Variants in KCTD16 observed in about 807,000 individuals in gnomAD.
KCTD16 encodes BTB/POZ domain-containing protein KCTD16.
In KCTD16, 13 loss-of-function variants were observed where a neutral mutation model predicts 33.2. The ratio of observed to expected loss-of-function variants is 0.39; its 90% CI spans 0.25 to 0.62. The LOEUF is 0.62. Ranked by LOEUF, KCTD16 falls within the 20% of genes least tolerant of loss-of-function variation. KCTD16 has a pLI of 0.50. For synonymous variants in KCTD16, 197 were observed against 195.3 expected (o/e 1.01, Z -0.07); for missense variants, 441 against 525.1 (o/e 0.84, Z 1.57).
intron 3 of KCTD16, among the ~76,000 whole-genome samples, chr5:144,404,271 AT>A (rs992394618): frequency 5.3e-5 from 8 of 152,186 alleles, no homozygotes; most frequent in African/African-American, 1.9e-4. Context: ...CTGACTTGGA[AT>A]CATATAGCAA....
At chr5:144,261,167 C>CAAAAAAAAAAAAAAAAAA (rs1299878040) in intron 3 of KCTD16, among the ~76,000 whole-genome samples, 14 of 78,068 alleles carry the variant, frequency 1.8e-4, no homozygotes, top group East Asian at 8.1e-4. Flanking sequence ...GGAACAACAA[C>CAAAAAAAAAAAAAAAAAA]AAAAAAAAAA....
intron 3 of KCTD16, among the ~76,000 whole-genome samples, chr5:144,222,318 AATT>A (rs1431689244): frequency 2.6e-5 from 4 of 152,296 alleles, no homozygotes; most frequent in South Asian, 2.1e-4. Context: ...CTATTATTTA[AATT>A]ATTATAAGAC....
At chr5:144,192,390 C>T (rs907208931) in intron 2 of KCTD16, among the ~76,000 whole-genome samples, 1 of 152,194 alleles carries the variant, frequency 6.6e-6, no homozygotes, top group South Asian at 2.1e-4. Flanking sequence ...TTCATTCTAT[C>T]AAGTTCTGCC....
At chr5:144,270,665 A>T (rs1034235150) in intron 3 of KCTD16, among the ~76,000 whole-genome samples, 1 of 151,380 alleles carries the variant, frequency 6.6e-6, no homozygotes, top group South Asian at 2.1e-4. Flanking sequence ...CAAAGCTAGT[A>T]GACTAAAGGA....
intron 3 of KCTD16, among the ~76,000 whole-genome samples, chr5:144,445,662 T>C (rs901141193): frequency 2.6e-5 from 4 of 152,034 alleles, no homozygotes; most frequent in African/African-American, 9.7e-5. Flanking sequence ...TATTTTGGTA[T>C]AATTTTCAAA....
At chr5:144,304,024 A>G (rs189842080) in intron 3 of KCTD16, among the ~76,000 whole-genome samples, 90 of 152,284 alleles carry the variant, frequency 5.9e-4, no homozygotes, top group African/African-American at 1.9e-3. Context: ...ACTCCCGTTT[A>G]TATAATCTAA....
At chr5:144,345,518 A>G (rs1752772229) in intron 3 of KCTD16, among the ~76,000 whole-genome samples, 1 of 152,090 alleles carries the variant, frequency 6.6e-6, no homozygotes, top group African/African-American at 2.4e-5. Context: ...CTTATCCAGG[A>G]TGAATGTAAA....
chr5:144,181,212 C>T (rs899215915), intron 2 of KCTD16, among the ~76,000 whole-genome samples: 21 of 152,280 alleles, frequency 1.4e-4, no homozygotes, highest in South Asian at 6.2e-4. Context: ...GGATTACAGG[C>T]GTGAGCCACC....
chr5:144,288,362 C>T (rs1005093558), intron 3 of KCTD16, among the ~76,000 whole-genome samples: 2 of 152,116 alleles, frequency 1.3e-5, no homozygotes, highest in Non-Finnish European at 2.9e-5. Flanking sequence ...GGCTCATCAA[C>T]GTGTTGTGGG....
chr5:144,434,236 T>C (rs1753529206), intron 3 of KCTD16, among the ~76,000 whole-genome samples: 1 of 152,132 alleles, frequency 6.6e-6, no homozygotes, highest in Admixed American at 6.6e-5. Context: ...TTTACCTTTC[T>C]GGGTGGTTTT....
At chr5:144,327,379 G>T (rs1380214656) in intron 3 of KCTD16, among the ~76,000 whole-genome samples, 2 of 151,824 alleles carry the variant, frequency 1.3e-5, no homozygotes, top group Non-Finnish European at 2.9e-5. Flanking sequence ...TCTAATGCTG[G>T]CTCTGTCTTC....
intron 3 of KCTD16, among the ~76,000 whole-genome samples, chr5:144,426,877 C>T (rs1278637264): frequency 5.9e-5 from 9 of 152,140 alleles, no homozygotes; most frequent in Admixed American, 3.9e-4. Flanking sequence ...TTAATCACCT[C>T]TTACATTTCC....
chr5:144,229,809 C>A (rs894822611), intron 3 of KCTD16, among the ~76,000 whole-genome samples: 3 of 152,152 alleles, frequency 2.0e-5, no homozygotes, highest in Non-Finnish European at 4.4e-5. Context: ...CTAACCAAAT[C>A]TGTCATTCAT....
intron 3 of KCTD16, among the ~76,000 whole-genome samples, chr5:144,257,726 A>T (rs1055415097): frequency 5.3e-5 from 8 of 152,086 alleles, no homozygotes; most frequent in African/African-American, 1.9e-4. Flanking sequence ...TGACCTCGTG[A>T]TCCGCCTGCC....
At chr5:144,203,920 T>C (rs764194620) in intron 2 of KCTD16, among the ~76,000 whole-genome samples, 4 of 152,192 alleles carry the variant, frequency 2.6e-5, no homozygotes, top group Non-Finnish European at 5.9e-5. Context: ...CACTGATAGC[T>C]TAGGGCACTA....
intron 2 of KCTD16, among the ~76,000 whole-genome samples, chr5:144,203,163 ACTC>A (rs776046204): frequency 6.6e-6 from 1 of 152,032 alleles, no homozygotes; most frequent in South Asian, 2.1e-4. Flanking sequence ...AATGAACAGA[ACTC>A]CTCATTTTAA....
chr5:144,237,921 T>G (rs1359313319), intron 3 of KCTD16, among the ~76,000 whole-genome samples: 2 of 152,158 alleles, frequency 1.3e-5, no homozygotes, highest in African/African-American at 4.8e-5. Flanking sequence ...AAGCCAGAAC[T>G]GCATCTTCGA....
chr5:144,433,539 A>G lies in KCTD16; in HGVS notation c.833-40121A>G, dbSNP rs544926539. On this transcript the variant is annotated intron_variant, in intron 3 of 3. Transcript: ENST00000512467. Reference sequence around the variant, plus strand: ...TGAGATTTAGGCAAAATGCTTACCAAACAAAACATGTATGCAGGCAGGCCA... The same window carrying G: ...TGAGATTTAGGCAAAATGCTTACCAGACAAAACATGTATGCAGGCAGGCCA... 3.9e-5 allele frequency among the ~76,000 whole-genome samples: 6 copies of G among 152,228 alleles called. No homozygotes were observed. In the East Asian group the frequency reaches 1.2e-3, roughly 29 times the overall value.
intron 3 of KCTD16, among the ~76,000 whole-genome samples, chr5:144,440,136 A>C (rs1753670823): frequency 6.6e-6 from 1 of 151,822 alleles, no homozygotes; most frequent in Non-Finnish European, 1.5e-5. Flanking sequence ...TTCAAACACA[A>C]CCCCTTTGTC....
Sources: allele counts gnomAD v4.1 joint callset (sites outside exome capture counted in the v4.1 genomes callset), GRCh38; gene constraint gnomAD v4.1.1; transcripts MANE v1.5; gene names NCBI Gene and HGNC (gene_info 2026-07-23, HGNC 2026-07-21).